CHST7: variants seen among roughly 807,000 people sequenced by gnomAD.
CHST7 encodes the protein carbohydrate sulfotransferase 7, also known as N-acetylglucosamine 6-O-sulfotransferase 4.
In CHST7, 5 loss-of-function variants were observed where a neutral mutation model predicts 9.0. That is an observed-to-expected ratio of 0.56 (90% CI 0.29 to 1.17). CHST7 has a LOEUF of 1.17. CHST7 is among the 50% of genes most tolerant of loss of function. The pLI, the probability that CHST7 is intolerant of heterozygous loss-of-function variation, is 0.08. For synonymous variants in CHST7, 244 were observed against 237.1 expected, an observed-to-expected ratio of 1.03 and a Z score of -0.27; for missense variants, 377 against 485.1, an observed-to-expected ratio of 0.78 and a Z score of 2.09.
chrX:46,597,694 A>G (rs1173682359), intron 1 of CHST7, 66 bp from the exon 2 acceptor site: 2 of 112,868 alleles, frequency 1.8e-5, no homozygotes, highest in South Asian at 3.6e-4. Flanking sequence ...TCAGGGTCCA[A>G]CAGACTTTCT....
At chrX:46,578,055 G>A (rs1047142778) in intron 1 of CHST7, among the ~76,000 whole-genome samples, 6 of 110,447 alleles carry the variant, frequency 5.4e-5, no homozygotes, top group East Asian at 2.8e-4. Flanking sequence ...GGTAGGGGCC[G>A]TAGCACCCTG....
chrX:46,577,514 G>C (rs1047106027), intron 1 of CHST7, among the ~76,000 whole-genome samples: 3 of 111,845 alleles, frequency 2.7e-5, no homozygotes, highest in Non-Finnish European at 5.6e-5. Context: ...TTCTAGAGAA[G>C]GGAGGAGAAG....
intron 1 of CHST7, among the ~76,000 whole-genome samples, chrX:46,581,254 AT>A (rs1942523940): frequency 9.7e-6 from 1 of 103,383 alleles, no homozygotes; most frequent in Admixed American, 1.1e-4. Flanking sequence ...AAAAAAAATA[AT>A]AATAATAATA....
chrX:46,589,659 T>C (rs1368434335), intron 1 of CHST7, among the ~76,000 whole-genome samples: 1 of 112,055 alleles, frequency 8.9e-6, no homozygotes, highest in Non-Finnish European at 1.9e-5. Context: ...ATTTATGTTT[T>C]AAACACAACC....
chrX:46,575,707 T>C (rs1260731862), intron 1 of CHST7, among the ~76,000 whole-genome samples: 1 of 111,756 alleles, frequency 8.9e-6, no homozygotes, highest in African/African-American at 3.3e-5. Context: ...CTGTATGAAG[T>C]AGGAGGTTTC....
In CHST7 at chrX:46,595,827, C is replaced by T. The variant is rs146849066; in HGVS notation, c.*32-1933C>T. The stretch of plus-strand genomic sequence containing the variant: ...GGAGGAATAAGAAGTGCATCTATTC[C>T]ATCTTGTCAACTAGAAGTCAGCCCA... On this transcript the variant is annotated intron_variant, in intron 1 of 1. Coordinates refer to ENST00000276055, the MANE Select transcript of CHST7 (RefSeq NM_019886.4). Among the ~76,000 whole-genome samples the T allele has an allele frequency of 1.8e-3, 199 of 111,011 alleles. 4 individuals are homozygous for T. The South Asian group carries it at 0.032, about 18-fold the overall frequency.
intron 1 of CHST7, among the ~76,000 whole-genome samples, chrX:46,577,343 G>C (rs1231677146): frequency 9.1e-6 from 1 of 110,417 alleles, no homozygotes; most frequent in Non-Finnish European, 1.9e-5. Flanking sequence ...CTGGGAGCAA[G>C]CTTTAGGCTC....
Position 46,575,130 on chromosome X carries a change from C to T in CHST7, c.1199C>T (p.Ala400Val), listed in dbSNP as rs1322149912. 1 of 1,098,305 alleles carries T rather than the reference C, an allele frequency of 9.1e-7. No homozygotes were observed. The highest frequency in any genetic ancestry group is 1.2e-6 in the Non-Finnish European group (1 of 848,958). 90.5% of individuals were successfully genotyped at this position (1,098,305 alleles called of 1,213,427 possible). Residue 400 changes from alanine (A) to valine (V), a missense_variant, in exon 1 of 2, where the codon GCG (alanine) becomes GTG (valine). Around this residue, in one of 3 missense-constraint regions of CHST7, gnomAD observed 130 missense variants for 134.9 expected, o/e 0.96. Coordinates refer to ENST00000276055, the MANE Select transcript of CHST7 (RefSeq NM_019886.4). ...LRFSGLRALA[A>V]LDAFALNMTR... ...TTCTCCGGGCTACGCGCGCTCGCAG[C>T]GCTCGATGCCTTCGCGCTCAACATG...
chrX:46,588,151 CTG>C (rs948663626), intron 1 of CHST7, among the ~76,000 whole-genome samples: 5 of 111,759 alleles, frequency 4.5e-5, no homozygotes, highest in Non-Finnish European at 9.4e-5. Flanking sequence ...GACAGGATAA[CTG>C]AGTCCAGTCA....
chrX:46,581,761 A>G (rs1942526940), intron 1 of CHST7, among the ~76,000 whole-genome samples: 1 of 108,959 alleles, frequency 9.2e-6, no homozygotes, highest in Non-Finnish European at 1.9e-5. Context: ...ACACCCAGCT[A>G]ATTTTGTATT....
chrX:46,595,496 A>AT (rs770039668), intron 1 of CHST7, among the ~76,000 whole-genome samples: 5,999 of 105,817 alleles, frequency 0.057, 403 homozygotes, highest in African/African-American at 0.19. Context: ...AGGAGAGGGG[A>AT]TTTTTTTTTT....
At chrX:46,581,998 C>T (rs942905640) in intron 1 of CHST7, among the ~76,000 whole-genome samples, 16 of 112,131 alleles carry the variant, frequency 1.4e-4, no homozygotes, top group African/African-American at 3.6e-4. Flanking sequence ...AAATGTTTTA[C>T]GCAAATTCCG....
intron 1 of CHST7, among the ~76,000 whole-genome samples, chrX:46,590,578 C>T (rs1211577683): frequency 1.8e-5 from 2 of 111,557 alleles, no homozygotes; most frequent in Non-Finnish European, 3.8e-5. Context: ...ACAAGAGGTC[C>T]AGTGTACCCT....
In CHST7 at chrX:46,585,268, CCTTT is replaced by C. The variant is rs1348492753; in HGVS notation, c.*31+9854_*31+9857del. Among the ~76,000 whole-genome samples the C allele has an allele frequency of 3.7e-4, 38 of 103,266 alleles. 1 individual carries two copies. The highest frequency in any genetic ancestry group is 5.0e-3 in the Middle Eastern group (1 of 202). The allele number at this position is 103,266 out of a possible 115,157, so 89.7% of individuals were successfully genotyped here. ...TCCCACTTTCTCTTTTTTTTCTTTT[CCTTT>C]CTTTCTTTTTTTCTTTTCTTTTCTT... is the stretch of plus-strand genomic sequence containing the variant. On this transcript the variant is annotated intron_variant, in intron 1 of 1. Transcript: ENST00000276055.
chrX:46,587,483 C>A (rs750442539), intron 1 of CHST7, among the ~76,000 whole-genome samples: 1 of 111,959 alleles, frequency 8.9e-6, no homozygotes, highest in Non-Finnish European at 1.9e-5. Context: ...ATAACTAGCA[C>A]CCCGTGCCAC....
chrX:46,597,194 A>G (rs1367835391), intron 1 of CHST7, among the ~76,000 whole-genome samples: 1 of 111,584 alleles, frequency 9.0e-6, no homozygotes, highest in Non-Finnish European at 1.9e-5. Flanking sequence ...GGACTAGTTC[A>G]GACACACTAG....
chrX:46,581,243 A>T lies in CHST7; in HGVS notation c.*31+5820A>T, dbSNP rs750492019. Among the ~76,000 whole-genome samples, 532 of 95,759 alleles carry T rather than the reference A, an allele frequency of 5.6e-3. 6 individuals carry two copies. The highest frequency in any genetic ancestry group is 0.018 in the African/African-American group (513 of 27,837). The allele number at this position is 95,759 out of a possible 115,157, so 83.2% of individuals were successfully genotyped here. A position where few individuals can be genotyped will look rare whatever the true frequency, so the allele number is the denominator to read the frequency against. On this transcript the variant is annotated intron_variant, in intron 1 of 1. Transcript: ENST00000276055. ...GAGCCAGACTCTGTCTCCAAAAAAAAAAAAAAAATAATAATAATAATAATT... is the reference window on the plus strand; with the variant it reads ...GAGCCAGACTCTGTCTCCAAAAAAATAAAAAAAATAATAATAATAATAATT...
intron 1 of CHST7, among the ~76,000 whole-genome samples, chrX:46,576,426 CT>C (rs1025590467): frequency 7.2e-5 from 8 of 111,587 alleles, no homozygotes; most frequent in Non-Finnish European, 1.3e-4. Flanking sequence ...ACACTGCCCC[CT>C]CTTTTTTGTT....
At chrX:46,576,775 A>G (rs1039796620) in intron 1 of CHST7, among the ~76,000 whole-genome samples, 2 of 112,525 alleles carry the variant, frequency 1.8e-5, no homozygotes, top group Non-Finnish European at 3.8e-5. Context: ...AACGTTGAAG[A>G]TATTAATGAA....
Sources: allele counts gnomAD v4.1 joint callset (sites outside exome capture counted in the v4.1 genomes callset), GRCh38; gene constraint gnomAD v4.1.1; regional missense constraint gnomAD v4.1.1; transcripts MANE v1.5; gene names NCBI Gene and HGNC (gene_info 2026-07-23, HGNC 2026-07-21).